SNTG1: variants seen among roughly 807,000 people sequenced by gnomAD.
SNTG1 encodes the protein gamma-1-syntrophin.
In SNTG1, 39 loss-of-function variants were observed where a neutral mutation model predicts 74.7. That is an observed-to-expected ratio of 0.52 (90% CI 0.40 to 0.68). The LOEUF is 0.68. SNTG1 is among the 30% of genes least tolerant of loss of function. The pLI is 0.00. For missense variants in SNTG1, 685 were observed against 609.5 expected, an observed-to-expected ratio of 1.12 and a Z score of -1.30; for synonymous variants, 254 against 217.1, an observed-to-expected ratio of 1.17 and a Z score of -1.49.
intron 13 of SNTG1, among the ~76,000 whole-genome samples, chr8:50,620,117 T>A (rs1186298117): frequency 6.6e-6 from 1 of 152,114 alleles, no homozygotes; most frequent in East Asian, 1.9e-4. Flanking sequence ...GTTTCCTAGC[T>A]TCCTATGACT....
intron 1 of SNTG1, among the ~76,000 whole-genome samples, chr8:49,916,018 T>C (rs1805996254): frequency 6.6e-6 from 1 of 152,206 alleles, no homozygotes; most frequent in Non-Finnish European, 1.5e-5. Flanking sequence ...TCTGTATAGA[T>C]TTCTAGACTA....
At chr8:50,555,908 C>CA (rs1294861268) in intron 12 of SNTG1, among the ~76,000 whole-genome samples, 3 of 151,866 alleles carry the variant, frequency 2.0e-5, no homozygotes, top group Non-Finnish European at 4.4e-5. Flanking sequence ...AAAGCAAAAA[C>CA]AAAAAACGAA....
At chr8:50,144,662 A>G (rs113614066) in intron 1 of SNTG1, among the ~76,000 whole-genome samples, 1 of 152,168 alleles carries the variant, frequency 6.6e-6, no homozygotes, top group Non-Finnish European at 1.5e-5. Context: ...ATATGCTTCC[A>G]TTTGCACTGC....
chr8:50,417,512 C>G (rs1207568693), intron 4 of SNTG1, among the ~76,000 whole-genome samples: 5 of 152,148 alleles, frequency 3.3e-5, no homozygotes, highest in African/African-American at 1.2e-4. Flanking sequence ...TAAATCTCCT[C>G]TAACAGTGGA....
At chr8:50,107,420 GT>G (rs1205939027) in intron 1 of SNTG1, among the ~76,000 whole-genome samples, 1 of 152,156 alleles carries the variant, frequency 6.6e-6, no homozygotes, top group African/African-American at 2.4e-5. Context: ...AAAGTAAGGT[GT>G]CTTTAAATAC....
intron 1 of SNTG1, among the ~76,000 whole-genome samples, chr8:50,106,968 A>G (rs1586302167): frequency 6.6e-6 from 1 of 152,166 alleles, no homozygotes; most frequent in African/African-American, 2.4e-5. Flanking sequence ...TTCCTAAATT[A>G]AAGTTTTATG....
intron 17 of SNTG1, among the ~76,000 whole-genome samples, chr8:50,735,596 G>A (rs867195446): frequency 3.5e-4 from 53 of 151,670 alleles, no homozygotes; most frequent in African/African-American, 9.4e-4. Context: ...AGGAATGATC[G>A]AAGCCTCCAA....
chr8:50,593,068 A>G (rs2094702636), intron 13 of SNTG1, among the ~76,000 whole-genome samples: 1 of 151,626 alleles, frequency 6.6e-6, no homozygotes, highest in South Asian at 2.1e-4. Flanking sequence ...ACATTAAATA[A>G]CTCCCTCATA....
chr8:50,656,421 C>G (rs1282192724), intron 13 of SNTG1, among the ~76,000 whole-genome samples: 1 of 152,128 alleles, frequency 6.6e-6, no homozygotes, highest in Non-Finnish European at 1.5e-5. Context: ...ATTTATCATT[C>G]TCCCCTATCA....
chr8:50,604,182 G>C (rs754890987), intron 13 of SNTG1, among the ~76,000 whole-genome samples: 18 of 152,296 alleles, frequency 1.2e-4, no homozygotes, highest in Non-Finnish European at 2.6e-4. Flanking sequence ...ACTTTGGGAG[G>C]CTGAGGCAGG....
intron 2 of SNTG1, chr8:50,382,365 CTTG>C (rs1360434688): frequency 6.6e-5 from 10 of 151,972 alleles, no homozygotes; most frequent in Non-Finnish European, 1.0e-4. Flanking sequence ...ATGGCTGGCA[CTTG>C]TTAGTTGTGT....
intron 12 of SNTG1, among the ~76,000 whole-genome samples, chr8:50,568,032 A>C (rs1047626343): frequency 6.6e-6 from 1 of 152,060 alleles, no homozygotes; most frequent in African/African-American, 2.4e-5. Flanking sequence ...CTGGTAACCA[A>C]TAACCAATAT....
Position 50,099,323 on chromosome 8 carries a change from A to C in SNTG1, c.-102-73238A>C, listed in dbSNP as rs113079378. ...TAGTGTCTGTGGCTAAAATGCATAC[A>C]GCCACACATGGATACACAAACAAGA... On this transcript the variant is annotated intron_variant, in intron 1 of 18. Transcript: ENST00000642720. Among the ~76,000 whole-genome samples the C allele has an allele frequency of 7.2e-5, 11 of 152,292 alleles. 1 individual carries two copies. Among genetic ancestry groups the C allele is most frequent in the African/African-American group, 2.4e-4 (10 of 41,590 alleles).
At chr8:50,061,698 T>G (rs1820484787) in intron 1 of SNTG1, among the ~76,000 whole-genome samples, 1 of 152,146 alleles carries the variant, frequency 6.6e-6, no homozygotes, top group Admixed American at 6.5e-5. Flanking sequence ...TCATATTAAT[T>G]GAGTTTTATA....
chr8:50,489,617 G>A (rs1054309616), intron 8 of SNTG1, among the ~76,000 whole-genome samples: 5 of 152,158 alleles, frequency 3.3e-5, no homozygotes, highest in Non-Finnish European at 5.9e-5. Flanking sequence ...CTTTTTGATG[G>A]AGTTGTTTGT....
intron 5 of SNTG1, among the ~76,000 whole-genome samples, chr8:50,446,822 A>T (rs1034319324): frequency 6.6e-6 from 1 of 152,244 alleles, no homozygotes. Context: ...AATAGTCTCC[A>T]CTTAACCTTG....
chr8:50,257,375 C>T (rs927876643), intron 2 of SNTG1, among the ~76,000 whole-genome samples: 6 of 152,106 alleles, frequency 3.9e-5, no homozygotes, highest in East Asian at 3.9e-4. Context: ...GGTGCCCCTC[C>T]GTGAAAAGCA....
chr8:50,582,702 G>A (rs2094618932), intron 12 of SNTG1, among the ~76,000 whole-genome samples: 1 of 151,982 alleles, frequency 6.6e-6, no homozygotes, highest in Non-Finnish European at 1.5e-5. Flanking sequence ...AATAAGTCTG[G>A]AGGTTCCCAT....
chr8:50,264,589 G>T (rs912572574), intron 2 of SNTG1, among the ~76,000 whole-genome samples: 2 of 149,038 alleles, frequency 1.3e-5, no homozygotes, highest in Admixed American at 6.7e-5. Flanking sequence ...AAAAAAAGAA[G>T]AAAGAAACCA....
Sources: gnomAD v4.1 joint callset for allele counts (sites outside exome capture counted in the v4.1 genomes callset) on GRCh38, gnomAD v4.1.1 for gene constraint, MANE v1.5 for transcripts, NCBI Gene and HGNC (gene_info 2026-07-23, HGNC 2026-07-21) for gene names.